Variants in CPXM2 observed in about 807,000 individuals in gnomAD.
CPXM2 encodes carboxypeptidase X, M14 family member 2.
CPXM2 carries 66 observed loss-of-function variants against 86.1 expected under a neutral mutation model. The observed-to-expected ratio is 0.77, with a 90% CI of 0.63 to 0.94. CPXM2 has a LOEUF of 0.94. CPXM2 is among the 40% of genes least tolerant of loss of function. The pLI, the probability that CPXM2 is intolerant of heterozygous loss-of-function variation, is 0.00. For missense variants in CPXM2, 948 were observed against 1,026.3 expected (o/e 0.92, Z 1.04); for synonymous variants, 388 against 400.2 (o/e 0.97, Z 0.36).
intron 2 of CPXM2, among the ~76,000 whole-genome samples, chr10:123,899,278 T>C (rs979001664): frequency 6.6e-6 from 1 of 152,220 alleles, no homozygotes; most frequent in Non-Finnish European, 1.5e-5. Flanking sequence ...CCATAAATTA[T>C]ACATAAAATC....
chr10:123,855,184 C>T (rs1256943420), intron 3 of CPXM2, among the ~76,000 whole-genome samples: 1 of 152,016 alleles, frequency 6.6e-6, no homozygotes, highest in East Asian at 1.9e-4. Context: ...ACACTGTCTC[C>T]CAGACTGTTT....
chr10:123,892,274 C>T (rs1182494923), upstream of CPXM2, among the ~76,000 whole-genome samples: 2 of 152,102 alleles, frequency 1.3e-5, no homozygotes, highest in African/African-American at 4.8e-5. Context: ...CTGAGGTTCC[C>T]GGGGTTTCTG....
intron 4 of CPXM2, among the ~76,000 whole-genome samples, chr10:123,806,326 A>T (rs1441759888): frequency 6.6e-6 from 1 of 152,156 alleles, no homozygotes. Flanking sequence ...TTTCTGTATA[A>T]ACACACACAT....
chr10:123,811,253 C>G (rs543278743), intron 4 of CPXM2, among the ~76,000 whole-genome samples: 2 of 151,590 alleles, frequency 1.3e-5, no homozygotes, highest in African/African-American at 2.4e-5. Flanking sequence ...CACCCATTAA[C>G]TCGTCATTTA....
At chr10:123,748,005 C>A (rs907058594) in intron 13 of CPXM2, among the ~76,000 whole-genome samples, 1 of 151,314 alleles carries the variant, frequency 6.6e-6, no homozygotes, top group East Asian at 1.9e-4. Flanking sequence ...ACATTTAGAT[C>A]CACAGCATAT....
At chr10:123,934,563 C>T (rs1217684326) in intron 2 of CPXM2, among the ~76,000 whole-genome samples, 1 of 152,008 alleles carries the variant, frequency 6.6e-6, no homozygotes, top group Non-Finnish European at 1.5e-5. Flanking sequence ...AGAAAAGACC[C>T]TACATCTAAA....
chr10:123,784,186 A>AG (rs1846999565), intron 6 of CPXM2, among the ~76,000 whole-genome samples: 1 of 152,272 alleles, frequency 6.6e-6, no homozygotes, highest in Admixed American at 6.5e-5. Flanking sequence ...GGACACACAC[A>AG]GGGGGAACAC....
intron 6 of CPXM2, among the ~76,000 whole-genome samples, chr10:123,791,934 T>C (rs1847215742): frequency 6.6e-6 from 1 of 152,218 alleles, no homozygotes; most frequent in South Asian, 2.1e-4. Context: ...GGCTTCTTGC[T>C]GCGCAGCTGA....
chr10:123,763,489 T>C (rs944349030), intron 10 of CPXM2, among the ~76,000 whole-genome samples: 1 of 152,056 alleles, frequency 6.6e-6, no homozygotes, highest in Non-Finnish European at 1.5e-5. Flanking sequence ...GTCTCTTTTG[T>C]TTTATCCCAT....
chr10:123,750,905 T>C, intron 13 of CPXM2: 3 of 985,440 alleles, frequency 3.0e-6, no homozygotes, highest in South Asian at 9.4e-5. Flanking sequence ...TTTCTCTGCT[T>C]CTGTCTCTAA....
At chr10:123,793,395 G>A (rs766828089) in intron 6 of CPXM2, among the ~76,000 whole-genome samples, 9 of 150,640 alleles carry the variant, frequency 6.0e-5, no homozygotes, top group African/African-American at 1.2e-4. Flanking sequence ...CCTGGGAGGC[G>A]GAGGTTGCAG....
chr10:123,804,446 T>C (rs1847535293), intron 4 of CPXM2, among the ~76,000 whole-genome samples: 1 of 152,176 alleles, frequency 6.6e-6, no homozygotes. Context: ...TATTCCTGGG[T>C]AGCTGATTTT....
chr10:123,851,410 G>GT (rs745646562), intron 3 of CPXM2, among the ~76,000 whole-genome samples: 30 of 152,172 alleles, frequency 2.0e-4, no homozygotes, highest in Non-Finnish European at 3.4e-4. Flanking sequence ...ATTGAATTGT[G>GT]TTCCCCCTCT....
chr10:123,850,283 C>CTG (rs1297007938), intron 3 of CPXM2, among the ~76,000 whole-genome samples: 2 of 152,166 alleles, frequency 1.3e-5, no homozygotes, highest in South Asian at 2.1e-4. Flanking sequence ...GAGAGTGAAT[C>CTG]TGTTAGGTCA....
chr10:123,912,999 C>T (rs1194259560), intron 2 of CPXM2, among the ~76,000 whole-genome samples: 2 of 152,150 alleles, frequency 1.3e-5, no homozygotes, highest in African/African-American at 2.4e-5. Flanking sequence ...GAGTGCTTAG[C>T]GATGGAAATG....
intron 4 of CPXM2, among the ~76,000 whole-genome samples, chr10:123,829,951 GAA>G (rs59952078): frequency 0.053 from 6,009 of 114,180 alleles, 388 homozygotes; most frequent in African/African-American, 0.15. Context: ...AGCCATTTGA[GAA>G]AAAAAAAAAA....
At chr10:123,789,595 T>C (rs1301670536) in intron 6 of CPXM2, among the ~76,000 whole-genome samples, 2 of 152,232 alleles carry the variant, frequency 1.3e-5, no homozygotes, top group Non-Finnish European at 2.9e-5. Flanking sequence ...CAAATGCTTG[T>C]TCCTTGGTGC....
At chr10:123,827,081 T>C (rs1021762876) in intron 4 of CPXM2, among the ~76,000 whole-genome samples, 1 of 152,174 alleles carries the variant, frequency 6.6e-6, no homozygotes, top group South Asian at 2.1e-4. Flanking sequence ...TTTTCAAGCA[T>C]TCGTGGAGCA....
chr10:123,852,281 A>G (rs1240664566), intron 3 of CPXM2, among the ~76,000 whole-genome samples: 1 of 152,166 alleles, frequency 6.6e-6, no homozygotes, highest in African/African-American at 2.4e-5. Context: ...TTAGATTACT[A>G]GATTATCAGA....
Sources: allele counts gnomAD v4.1 joint callset (sites outside exome capture counted in the v4.1 genomes callset), GRCh38; gene constraint gnomAD v4.1.1; transcripts MANE v1.5; gene names NCBI Gene and HGNC (gene_info 2026-07-23, HGNC 2026-07-21).